RNF150: variants seen among roughly 807,000 people sequenced by gnomAD.
The protein encoded by RNF150 is ring finger protein 150.
A neutral mutation model predicts 39.3 loss-of-function variants in RNF150; 24 were observed. The observed-to-expected ratio is 0.61, with a 90% CI of 0.44 to 0.86. RNF150 has a LOEUF of 0.86. RNF150 is among the 40% of genes least tolerant of loss of function. RNF150 has a pLI of 0.00. For missense variants in RNF150, 502 were observed against 587.8 expected, an observed-to-expected ratio of 0.85 and a Z score of 1.51; for synonymous variants, 255 against 227.3, an observed-to-expected ratio of 1.12 and a Z score of -1.10.
chr4:140,976,244 C>T (rs1733660313), intron 1 of RNF150, among the ~76,000 whole-genome samples: 1 of 152,080 alleles, frequency 6.6e-6, no homozygotes, highest in African/African-American at 2.4e-5. Context: ...ACTTCTAGCC[C>T]CATCACATCC....
intron 2 of RNF150, among the ~76,000 whole-genome samples, chr4:140,965,201 C>A (rs1293298118): frequency 6.6e-6 from 1 of 152,048 alleles, no homozygotes; most frequent in African/African-American, 2.4e-5. Flanking sequence ...ACACCTCACA[C>A]CTGTTAGGAC....
At position 141,078,846 on chromosome 4, in the gene RNF150, C is replaced by CAT. The variant is rs1341080768; in HGVS notation, c.484+53478_484+53479insAT. On this transcript the variant is annotated intron_variant, in intron 1 of 6. Transcript: ENST00000515673. ...ATATATATATATACACACACACACA[C>CAT]ACATACATACATACATATATATATA... Among the ~76,000 whole-genome samples, 570 of 141,310 alleles carry CAT rather than the reference C, an allele frequency of 4.0e-3. 7 individuals carry two copies. The highest frequency in any genetic ancestry group is 0.015 in the African/African-American group (547 of 37,178). 92.7% of individuals were successfully genotyped at this position (141,310 alleles called of 152,430 possible). A position where few individuals can be genotyped will look rare whatever the true frequency, so the allele number is the denominator to read the frequency against.
chr4:141,099,287 GA>G (rs1170330334), intron 1 of RNF150, among the ~76,000 whole-genome samples: 2 of 152,022 alleles, frequency 1.3e-5, no homozygotes, highest in Admixed American at 1.3e-4. Context: ...AGAGCTTCAG[GA>G]AAAAGGTAGA....
chr4:140,889,125 C>A (rs1315371461), intron 6 of RNF150, among the ~76,000 whole-genome samples: 1 of 152,056 alleles, frequency 6.6e-6, no homozygotes, highest in Admixed American at 6.5e-5. Flanking sequence ...TCAAGCAATC[C>A]TCCTGCCTCA....
intron 1 of RNF150, among the ~76,000 whole-genome samples, chr4:141,152,070 T>C (rs1163463986): frequency 6.6e-6 from 1 of 152,196 alleles, no homozygotes; most frequent in Non-Finnish European, 1.5e-5. Flanking sequence ...ATTTTAACAA[T>C]GGCTTTTATG....
chr4:141,000,172 A>G (rs1214776059), intron 1 of RNF150, among the ~76,000 whole-genome samples: 1 of 152,124 alleles, frequency 6.6e-6, no homozygotes, highest in Non-Finnish European at 1.5e-5. Context: ...CTAAAGAAAG[A>G]GCTTTATCAG....
At chr4:141,151,445 CACACACACACACACACAG>C (rs780274462) in intron 1 of RNF150, among the ~76,000 whole-genome samples, 20,274 of 55,244 alleles carry the variant, frequency 0.37, 1,778 homozygotes, top group South Asian at 0.43. Flanking sequence ...CACACACACA[CACACACACACACACACAG>C]ACACACACAC....
At chr4:140,908,891 G>T (rs1730489854) in intron 6 of RNF150, among the ~76,000 whole-genome samples, 1 of 152,132 alleles carries the variant, frequency 6.6e-6, no homozygotes. Flanking sequence ...GACAGATGAC[G>T]TATCTTCTCT....
intron 1 of RNF150, among the ~76,000 whole-genome samples, chr4:141,176,917 C>T (rs1727823007): frequency 6.6e-6 from 1 of 152,016 alleles, no homozygotes; most frequent in African/African-American, 2.4e-5. Context: ...ACAATGCTCA[C>T]TTTAAAGTGG....
At chr4:141,087,106 C>G (rs1023659461) in intron 1 of RNF150, among the ~76,000 whole-genome samples, 4 of 152,028 alleles carry the variant, frequency 2.6e-5, no homozygotes, top group African/African-American at 9.7e-5. Context: ...GCTCAGTGCT[C>G]AATAGTTATC....
At chr4:141,195,004 T>G (rs1728175830) in intron 1 of RNF150, among the ~76,000 whole-genome samples, 1 of 152,106 alleles carries the variant, frequency 6.6e-6, no homozygotes, top group African/African-American at 2.4e-5. Flanking sequence ...GTAGCTACTA[T>G]TATGTAAGAT....
At chr4:140,907,695 CT>C (rs1419610507) in intron 6 of RNF150, among the ~76,000 whole-genome samples, 1 of 152,212 alleles carries the variant, frequency 6.6e-6, no homozygotes, top group Non-Finnish European at 1.5e-5. Flanking sequence ...ATTTTTCCCC[CT>C]GTTCTGTCTC....
intron 6 of RNF150, among the ~76,000 whole-genome samples, chr4:140,909,534 G>GAAAT (rs79962462): frequency 0.038 from 5,774 of 152,078 alleles, 168 homozygotes; most frequent in Admixed American, 0.076. Flanking sequence ...AAGTGTAAAT[G>GAAAT]AAATACACAC....
intron 2 of RNF150, among the ~76,000 whole-genome samples, chr4:140,960,358 A>G (rs573842138): frequency 1.3e-5 from 2 of 152,234 alleles, no homozygotes; most frequent in Non-Finnish European, 2.9e-5. Flanking sequence ...CCCAGCTAGA[A>G]CTCCTAAAAT....
chr4:141,078,938 CACACATATATAT>C (rs1036610170), intron 1 of RNF150, among the ~76,000 whole-genome samples: 21 of 143,710 alleles, frequency 1.5e-4, no homozygotes, highest in African/African-American at 4.6e-4. Context: ...TATATATACA[CACACATATATAT>C]ACACATATAT....
intron 1 of RNF150, among the ~76,000 whole-genome samples, chr4:140,998,317 C>A (rs534241883): frequency 6.6e-6 from 1 of 151,784 alleles, no homozygotes; most frequent in Non-Finnish European, 1.5e-5. Flanking sequence ...AAGGGTGAGG[C>A]CCTAATCCAA....
chr4:141,197,800 C>T (rs1310751450), intron 1 of RNF150, among the ~76,000 whole-genome samples: 1 of 151,576 alleles, frequency 6.6e-6, no homozygotes. Flanking sequence ...ATGGTGTGAA[C>T]CCGGGAGGTG....
Position 141,172,269 on chromosome 4 carries a change from G to A in RNF150, c.-6+40525C>T, listed in dbSNP as rs563652166. 1.1e-4 allele frequency among the ~76,000 whole-genome samples: 17 copies of A among 152,250 alleles called. No individual in the cohort carries two copies. In the South Asian group the frequency reaches 2.7e-3, roughly 24 times the overall value. The stretch of plus-strand genomic sequence containing the variant: ...TGGCAGAGGTGCAAGAGGGCAAACA[G>A]AACTTATGAGATCTCTTACCACCTA... On this transcript the variant is annotated intron_variant, in intron 1 of 7. Coordinates refer to the RNF150 transcript ENST00000420921.
intron 1 of RNF150, among the ~76,000 whole-genome samples, chr4:141,203,333 A>G (rs1468276645): frequency 6.6e-6 from 1 of 150,932 alleles, no homozygotes; most frequent in Non-Finnish European, 1.5e-5. Context: ...GATGATATAT[A>G]TATATCTTGG....
Sources: allele counts gnomAD v4.1 joint callset (sites outside exome capture counted in the v4.1 genomes callset), GRCh38; gene constraint gnomAD v4.1.1; transcripts MANE v1.5; gene names NCBI Gene and HGNC (gene_info 2026-07-23, HGNC 2026-07-21).